Variants in ZCRB1 observed in about 807,000 individuals in gnomAD.
ZCRB1 encodes the protein zinc finger CCHC-type and RNA binding motif containing 1.
ZCRB1 carries 21 observed loss-of-function variants against 29.9 expected under a neutral mutation model. The ratio of observed to expected loss-of-function variants is 0.70; its 90% CI spans 0.50 to 1.01. The LOEUF is 1.01. ZCRB1 is among the 50% of genes least tolerant of loss of function. ZCRB1 has a pLI of 0.00. For synonymous variants in ZCRB1, 77 were observed against 80.0 expected, an observed-to-expected ratio of 0.96 and a Z score of 0.20; for missense variants, 204 against 253.3, an observed-to-expected ratio of 0.81 and a Z score of 1.32.
intron 5 of ZCRB1, among the ~76,000 whole-genome samples, chr12:42,315,117 C>T (rs961173648): frequency 6.6e-6 from 1 of 152,266 alleles, no homozygotes; most frequent in South Asian, 2.1e-4. Flanking sequence ...TGAATTGATA[C>T]GTACTGTAAA....
Position 42,312,226 on chromosome 12 carries a change from T to C in ZCRB1, c.*841A>G, listed in dbSNP as rs1390841319. Reference sequence around the variant, plus strand: ...CTTACAAAGTTAAACAATATAGAAATATACAAAGCAGAAAATTAAAGGCTC... The same window carrying C: ...CTTACAAAGTTAAACAATATAGAAACATACAAAGCAGAAAATTAAAGGCTC... On this transcript the variant is annotated 3_prime_UTR_variant, in exon 8 of 8. Coordinates refer to ENST00000266529, the MANE Select transcript of ZCRB1 (RefSeq NM_033114.4). 7.9e-5 allele frequency: 12 copies of C among 152,058 alleles called. No homozygotes were observed. Among genetic ancestry groups the C allele is most frequent in the Non-Finnish European group, 1.8e-4 (12 of 67,998 alleles). 9.4% of individuals were successfully genotyped at this position (152,058 alleles called of 1,614,324 possible). A position where few individuals can be genotyped will look rare whatever the true frequency, so the allele number is the denominator to read the frequency against.
intron 5 of ZCRB1, among the ~76,000 whole-genome samples, chr12:42,314,949 C>T (rs1348643919): frequency 1.3e-5 from 2 of 152,298 alleles, no homozygotes; most frequent in Middle Eastern, 3.4e-3. Context: ...AAGACCCTGT[C>T]TCAAAAAACA....
intron 3 of ZCRB1, 52 bp from the exon 4 acceptor site, chr12:42,317,950 T>A: frequency 7.2e-7 from 1 of 1,390,302 alleles, no homozygotes; most frequent in Non-Finnish European, 9.9e-7. Context: ...ATAAAACAGA[T>A]ACTAATACTT....
chr12:42,324,195 C>G (rs1364570933), intron 1 of ZCRB1, 91 bp from the exon 2 acceptor site: 2 of 1,240,390 alleles, frequency 1.6e-6, no homozygotes, highest in East Asian at 4.7e-5. Flanking sequence ...GTTGCCCAGG[C>G]TGGGGTGCAA....
At chr12:42,322,496 T>G (rs2068626656) in intron 2 of ZCRB1, 50 bp from the exon 3 acceptor site, 2 of 1,430,856 alleles carry the variant, frequency 1.4e-6, no homozygotes, top group East Asian at 5.0e-5. Flanking sequence ...TCATAAAACA[T>G]CAAATTTTTA....
At chr12:42,317,946 C>T in intron 3 of ZCRB1, 48 bp from the exon 4 acceptor site, 2 of 1,435,056 alleles carry the variant, frequency 1.4e-6, no homozygotes, top group South Asian at 1.2e-5. Flanking sequence ...ATAAATAAAA[C>T]AGATACTAAT....
At position 42,313,903 on chromosome 12, in the gene ZCRB1, T is replaced by G. The variant is rs758337738; in HGVS notation, c.417A>C (p.Lys139Asn). 6.2e-7 allele frequency: 1 copy of G among 1,603,368 alleles called. No homozygotes were observed. The highest frequency in any genetic ancestry group is 8.5e-7 in the Non-Finnish European group (1 of 1,177,474). ...EPPKKKEKKK[K>N]KKAPEPEEEI... ...CTTCTTCTGGTTCAGGAGCTTTCTT[T>G]TTTTTCTTTTTTTCTTTCTTCTTTG... Residue 139 changes from lysine (K) to asparagine (N), a missense_variant, in exon 6 of 8, where the codon AAA (lysine) becomes AAC (asparagine). Lys to Asn is a moderately conservative substitution (Grantham distance 94). Coordinates refer to ENST00000266529, the MANE Select transcript of ZCRB1 (RefSeq NM_033114.4).
chr12:42,324,518 CA>C (rs1438799995), intron 1 of ZCRB1, among the ~76,000 whole-genome samples: 1 of 152,006 alleles, frequency 6.6e-6, no homozygotes, highest in Non-Finnish European at 1.5e-5. Flanking sequence ...TGGAAAAAAA[CA>C]AAAAACAAAA....
rs1159490089 is a variant in ZCRB1 at position 42,312,153 on chromosome 12, ATTAAC to A, written c.*909_*913del. 6.6e-6 allele frequency: 1 copy of A among 152,134 alleles called. No homozygotes were observed. Among genetic ancestry groups the A allele is most frequent in the African/African-American group, 2.4e-5 (1 of 41,436 alleles). The allele number at this position is 152,134 out of a possible 1,614,324, so 9.4% of individuals were successfully genotyped here. A position where few individuals can be genotyped will look rare whatever the true frequency, so the allele number is the denominator to read the frequency against. On this transcript the variant is annotated 3_prime_UTR_variant, in exon 8 of 8. Coordinates refer to ENST00000266529, the MANE Select transcript of ZCRB1 (RefSeq NM_033114.4). Reference sequence around the variant, plus strand: ...ACAATAATAATATTACTATGATAGTATTAACTTATTTCTATTGCTTTTACTAGTTA... The same window carrying A: ...ACAATAATAATATTACTATGATAGTATTATTTCTATTGCTTTTACTAGTTA...
chr12:42,321,492 A>G (rs77395995), intron 3 of ZCRB1, among the ~76,000 whole-genome samples: 2,721 of 152,338 alleles, frequency 0.018, 91 homozygotes, highest in African/African-American at 0.063. Flanking sequence ...TGGCATATAT[A>G]TGTGCTCATT....
chr12:42,323,423 C>T (rs777762917), intron 2 of ZCRB1, among the ~76,000 whole-genome samples: 2 of 140,440 alleles, frequency 1.4e-5, no homozygotes, highest in Non-Finnish European at 3.2e-5. Context: ...GTGCCTCTTA[C>T]TCGTTTCAGG....
chr12:42,319,399 G>A (rs1454811302), intron 3 of ZCRB1, among the ~76,000 whole-genome samples: 1 of 152,036 alleles, frequency 6.6e-6, no homozygotes, highest in African/African-American at 2.4e-5. Flanking sequence ...CCTATTCTTT[G>A]TCCCACTGTC....
In ZCRB1 at chr12:42,313,074, C is replaced by A. The variant is rs776695286; in HGVS notation, c.647G>T (p.Ser216Ile). ...STYFSDEEEL[S>I]D ...CTGTGCTGGGGCAAGATTTTAATCA[C>A]TAAGTTCTTCCTCATCACTGAAATA... The change falls in exon 8 of 8, where the codon AGT becomes ATT. Residue 216 changes from serine (S) to isoleucine (I), a missense_variant. Transcript: ENST00000266529. The A allele has an allele frequency of 1.9e-6, 3 of 1,597,550 alleles. No homozygotes were observed. Among genetic ancestry groups the A allele is most frequent in the Non-Finnish European group, 2.6e-6 (3 of 1,173,300 alleles).
chr12:42,317,704 G>T, intron 4 of ZCRB1, 83 bp downstream of exon 4: 1 of 1,167,632 alleles, frequency 8.6e-7, no homozygotes, highest in Non-Finnish European at 1.3e-6. Context: ...TAGACCTGAT[G>T]ATCCACTATA....
chr12:42,320,306 C>A (rs1487925778), intron 3 of ZCRB1, among the ~76,000 whole-genome samples: 1 of 152,156 alleles, frequency 6.6e-6, no homozygotes, highest in African/African-American at 2.4e-5. Flanking sequence ...CACTATTACC[C>A]ACTTTATTTC....
chr12:42,324,554 G>A (rs779297801), intron 1 of ZCRB1, among the ~76,000 whole-genome samples: 3 of 152,212 alleles, frequency 2.0e-5, no homozygotes, highest in Non-Finnish European at 4.4e-5. Context: ...AACAATCACC[G>A]ATTTAATTAT....
chr12:42,322,279 AT>A, intron 3 of ZCRB1, 138 bp downstream of exon 3: 2 of 872,434 alleles, frequency 2.3e-6, no homozygotes, highest in Non-Finnish European at 3.3e-6. Context: ...AACCAACTAA[AT>A]TGTCATAAAA....
chr12:42,313,047 T>C lies in ZCRB1; in HGVS notation c.*20A>G, dbSNP rs747264468. ...GTTACTAACAAATCTTGATTTTTAT[T>C]ACTGTGCTGGGGCAAGATTTTAATC... On this transcript the variant is annotated 3_prime_UTR_variant, in exon 8 of 8. Transcript: ENST00000266529. 6.6e-7 allele frequency: 1 copy of C among 1,519,214 alleles called. No individual in the cohort carries two copies. The highest frequency in any genetic ancestry group is 8.8e-7 in the Non-Finnish European group (1 of 1,137,424). The allele number at this position is 1,519,214 out of a possible 1,614,324, so 94.1% of individuals were successfully genotyped here. A position where few individuals can be genotyped will look rare whatever the true frequency, so the allele number is the denominator to read the frequency against.
chr12:42,314,219 A>G (rs2068583440), intron 5 of ZCRB1, among the ~76,000 whole-genome samples: 1 of 151,970 alleles, frequency 6.6e-6, no homozygotes, highest in African/African-American at 2.4e-5. Context: ...TACTAAGAGT[A>G]GTGGTAGTAG....
Sources: gnomAD v4.1 joint callset for allele counts (sites outside exome capture counted in the v4.1 genomes callset) on GRCh38, gnomAD v4.1.1 for gene constraint, MANE v1.5 for transcripts, NCBI Gene and HGNC (gene_info 2026-07-23, HGNC 2026-07-21) for gene names.